Variants in MAP3K13 observed in about 807,000 individuals in gnomAD.
MAP3K13 encodes the protein leucine zipper-bearing kinase.
A neutral mutation model predicts 104.0 loss-of-function variants in MAP3K13; 52 were observed. The ratio of observed to expected loss-of-function variants is 0.50; its 90% CI spans 0.40 to 0.63. The LOEUF (loss-of-function observed/expected upper bound fraction) is 0.63, where lower values mean the gene tolerates loss of function less well. Ranked by LOEUF, MAP3K13 falls within the 20% of genes least tolerant of loss-of-function variation. MAP3K13 has a pLI of 0.00. For synonymous variants in MAP3K13, 394 were observed against 442.2 expected (o/e 0.89, Z 1.37); for missense variants, 914 against 1,218.5 (o/e 0.75, Z 3.72).
Position 185,418,134 on chromosome 3 carries a change from A to C in MAP3K13, c.-85-10363A>C, listed in dbSNP as rs1713897501. ...TGTTTCTGAAGGCCTTGATGATACC[A>C]TTATCCTCATTATAGATGATGCACA... On this transcript the variant is annotated intron_variant, in intron 1 of 13. Coordinates refer to ENST00000265026, the MANE Select transcript of MAP3K13 (RefSeq NM_004721.5). The surrounding 1 kb of genome is among the most constrained non-coding windows in gnomAD (Gnocchi z 4.5). 1.2e-6 allele frequency: 2 copies of C among 1,606,460 alleles called. No individual in the cohort carries two copies. Among genetic ancestry groups the C allele is most frequent in the Admixed American group, 3.3e-5 (2 of 60,014 alleles).
intron 1 of MAP3K13, among the ~76,000 whole-genome samples, chr3:185,415,573 A>ATT (rs34633048): frequency 0.084 from 9,923 of 118,130 alleles, 601 homozygotes; most frequent in South Asian, 0.15. Flanking sequence ...AGAAGGGTTA[A>ATT]TTTCTTTTTT....
chr3:185,365,290 G>A (rs1723817147), intron 1 of MAP3K13, among the ~76,000 whole-genome samples: 1 of 152,142 alleles, frequency 6.6e-6, no homozygotes, highest in Non-Finnish European at 1.5e-5. Context: ...AAAATCCTGT[G>A]TATCAGTGAC....
intron 7 of MAP3K13, among the ~76,000 whole-genome samples, chr3:185,462,460 AT>A (rs1389616856): frequency 2.0e-5 from 3 of 152,048 alleles, no homozygotes; most frequent in Admixed American, 1.3e-4. Flanking sequence ...CAAACATTCA[AT>A]TCAGCACCTT....
intron 1 of MAP3K13, among the ~76,000 whole-genome samples, chr3:185,374,903 G>C (rs1724352257): frequency 6.6e-6 from 1 of 152,134 alleles, no homozygotes; most frequent in African/African-American, 2.4e-5. Flanking sequence ...GAGGTAGAGG[G>C]TGGCATAAGA....
chr3:185,336,158 A>G (rs1027934743), intron 2 of MAP3K13, among the ~76,000 whole-genome samples: 33 of 152,162 alleles, frequency 2.2e-4, no homozygotes, highest in African/African-American at 7.7e-4. Flanking sequence ...CTTCACCTTA[A>G]CCAGAATTTG....
intron 2 of MAP3K13, among the ~76,000 whole-genome samples, chr3:185,294,320 G>A (rs965486481): frequency 6.6e-6 from 1 of 152,170 alleles, no homozygotes; most frequent in Non-Finnish European, 1.5e-5. Flanking sequence ...TAGTGTCCGT[G>A]AACAATAGGG....
chr3:185,449,872 T>C (rs1715790660), intron 5 of MAP3K13, 28 bp from the exon 6 acceptor site: 1 of 1,561,472 alleles, frequency 6.4e-7, no homozygotes, highest in African/African-American at 1.4e-5. Context: ...TGAAACATCT[T>C]CTGTCCATGT....
intron 2 of MAP3K13, among the ~76,000 whole-genome samples, chr3:185,337,200 C>T (rs748466529): frequency 6.6e-6 from 1 of 152,146 alleles, no homozygotes; most frequent in South Asian, 2.1e-4. Context: ...CCATCGCAGC[C>T]GGCCTAATGA....
intron 2 of MAP3K13, among the ~76,000 whole-genome samples, chr3:185,329,734 T>G (rs897151542): frequency 6.6e-6 from 1 of 152,334 alleles, no homozygotes; most frequent in African/African-American, 2.4e-5. Context: ...ACAAACATAT[T>G]GACTTTATTA....
intron 2 of MAP3K13, among the ~76,000 whole-genome samples, chr3:185,345,489 G>A (rs1415272437): frequency 2.0e-5 from 3 of 152,192 alleles, no homozygotes. Context: ...GCTTCATCTG[G>A]TATTTACAGC....
intron 2 of MAP3K13, among the ~76,000 whole-genome samples, chr3:185,331,974 T>C (rs552776121): frequency 6.6e-6 from 1 of 152,344 alleles, no homozygotes; most frequent in East Asian, 1.9e-4. Context: ...CATTTTTAAA[T>C]AGCTGCCTAC....
At chr3:185,297,877 T>A (rs1020730204) in intron 2 of MAP3K13, among the ~76,000 whole-genome samples, 8 of 151,668 alleles carry the variant, frequency 5.3e-5, no homozygotes, top group Admixed American at 6.6e-5. Flanking sequence ...AGAGCTACTC[T>A]CTCTCTCTCT....
At chr3:185,354,705 A>T (rs1044891286) in intron 2 of MAP3K13, among the ~76,000 whole-genome samples, 1 of 151,982 alleles carries the variant, frequency 6.6e-6, no homozygotes, top group Non-Finnish European at 1.5e-5. Context: ...CCTTTCTTCT[A>T]GTATTGTATC....
chr3:185,354,985 C>T (rs533844855), intron 2 of MAP3K13, among the ~76,000 whole-genome samples: 10 of 152,180 alleles, frequency 6.6e-5, no homozygotes, highest in South Asian at 4.2e-4. Context: ...CTATATTAGA[C>T]GAGCCAATCT....
chr3:185,307,063 C>A (rs76474900), intron 2 of MAP3K13, among the ~76,000 whole-genome samples: 2 of 152,002 alleles, frequency 1.3e-5, no homozygotes, highest in African/African-American at 4.8e-5. Context: ...TAATCTCATG[C>A]GAGTTCTCTT....
At chr3:185,471,130 G>A (rs903254748) in intron 10 of MAP3K13, among the ~76,000 whole-genome samples, 2 of 152,112 alleles carry the variant, frequency 1.3e-5, no homozygotes, top group South Asian at 2.1e-4. Context: ...CAGGAGCATT[G>A]TTATGGTGGA....
intron 4 of MAP3K13, among the ~76,000 whole-genome samples, 176 bp from the exon 5 acceptor site, chr3:185,447,613 A>G: frequency 6.6e-6 from 1 of 151,870 alleles, no homozygotes; most frequent in Non-Finnish European, 1.5e-5. Flanking sequence ...ACTGCCTCAC[A>G]AGTATGAATG....
intron 13 of MAP3K13, chr3:185,481,294 C>G (rs1718437938): frequency 6.6e-6 from 1 of 152,084 alleles, no homozygotes; most frequent in South Asian, 2.1e-4. Flanking sequence ...GTCTGAGCAA[C>G]ATAGCAAGAC....
intron 1 of MAP3K13, among the ~76,000 whole-genome samples, chr3:185,373,756 T>C (rs914724871): frequency 6.9e-6 from 1 of 145,408 alleles, no homozygotes; most frequent in Non-Finnish European, 1.5e-5. Flanking sequence ...CCCATCCATA[T>C]TGCCCTACCC....
Sources: gnomAD v4.1 joint callset for allele counts (sites outside exome capture counted in the v4.1 genomes callset) on GRCh38, gnomAD v4.1.1 for gene constraint, Gnocchi (gnomAD v3.1) non-coding constraint, MANE v1.5 for transcripts, NCBI Gene and HGNC (gene_info 2026-07-23, HGNC 2026-07-21) for gene names.